The following TBC1D32 variants were observed in gnomAD, a reference collection of about 807,000 sequenced individuals.
The protein encoded by TBC1D32 is protein broad-minded.
A neutral mutation model predicts 170.3 loss-of-function variants in TBC1D32; 151 were observed. The ratio of observed to expected loss-of-function variants is 0.89; its 90% CI spans 0.78 to 1.01. The LOEUF is 1.01. TBC1D32 is among the 50% of genes least tolerant of loss of function. The pLI is 0.00. For missense variants in TBC1D32, 1,464 were observed against 1,457.1 expected (o/e 1.00, Z -0.08); for synonymous variants, 498 against 488.0 (o/e 1.02, Z -0.27).
At chr6:121,311,494 C>G (rs962277075) in intron 3 of TBC1D32, among the ~76,000 whole-genome samples, 5 of 152,088 alleles carry the variant, frequency 3.3e-5, no homozygotes, top group African/African-American at 1.2e-4. Flanking sequence ...CTTTGGGAGT[C>G]CAAGGCGGGC....
At chr6:121,089,005 G>A (rs1336696788) in intron 31 of TBC1D32, among the ~76,000 whole-genome samples, 1 of 152,058 alleles carries the variant, frequency 6.6e-6, no homozygotes, top group Non-Finnish European at 1.5e-5. Context: ...AGATGAAACT[G>A]TAAATCAACA....
intron 19 of TBC1D32, among the ~76,000 whole-genome samples, chr6:121,241,014 T>C (rs1438729031): frequency 6.6e-6 from 1 of 152,058 alleles, no homozygotes; most frequent in Non-Finnish European, 1.5e-5. Flanking sequence ...GACAAATGCT[T>C]TCAAGAAGAA....
At chr6:121,144,363 T>G (rs915410593) in intron 24 of TBC1D32, among the ~76,000 whole-genome samples, 3 of 152,132 alleles carry the variant, frequency 2.0e-5, no homozygotes, top group African/African-American at 7.2e-5. Context: ...GTGTTGAGAA[T>G]AGACTAAACA....
intron 1 of TBC1D32, among the ~76,000 whole-genome samples, chr6:121,332,633 C>G (rs1189886429): frequency 2.0e-5 from 3 of 151,932 alleles, no homozygotes; most frequent in African/African-American, 4.8e-5. Context: ...AAATAAAAAC[C>G]AGAAATGAAA....
chr6:121,237,702 C>A (rs1796492202), intron 20 of TBC1D32, among the ~76,000 whole-genome samples: 1 of 151,732 alleles, frequency 6.6e-6, no homozygotes, highest in Non-Finnish European at 1.5e-5. Context: ...CTATCTGGTT[C>A]TTTTACATAG....
At chr6:121,193,343 TC>T (rs1329760857) in intron 22 of TBC1D32, among the ~76,000 whole-genome samples, 4 of 152,150 alleles carry the variant, frequency 2.6e-5, no homozygotes, top group Non-Finnish European at 1.5e-5. Context: ...GGATCCAACA[TC>T]TTAGGGAGAC....
chr6:121,239,973 T>C (rs536909910), intron 19 of TBC1D32, among the ~76,000 whole-genome samples: 10 of 152,282 alleles, frequency 6.6e-5, no homozygotes, highest in African/African-American at 2.4e-4. Context: ...TATGCCAGTT[T>C]ATTAGCTGTT....
chr6:121,204,956 CT>C (rs1792040789), intron 22 of TBC1D32, 118 bp downstream of exon 22: 1 of 543,066 alleles, frequency 1.8e-6, no homozygotes. Context: ...GACAAATTAC[CT>C]TTAAGCATGC....
At chr6:121,117,405 T>C (rs1007303621) in intron 26 of TBC1D32, among the ~76,000 whole-genome samples, 22 of 152,004 alleles carry the variant, frequency 1.4e-4, no homozygotes, top group Non-Finnish European at 2.5e-4. Context: ...GGCATATATT[T>C]AAAAAGGGGC....
intron 15 of TBC1D32, among the ~76,000 whole-genome samples, chr6:121,256,686 T>TC (rs1170052683): frequency 6.8e-6 from 1 of 147,654 alleles, no homozygotes; most frequent in African/African-American, 2.5e-5. Flanking sequence ...TTTTTTTTCT[T>TC]TTTTTTTTTG....
At chr6:121,146,387 GATA>G (rs1385041076) in intron 24 of TBC1D32, among the ~76,000 whole-genome samples, 1 of 152,180 alleles carries the variant, frequency 6.6e-6, no homozygotes, top group Non-Finnish European at 1.5e-5. Context: ...GTTCCTTCAT[GATA>G]ATAATAGAAA....
intron 2 of TBC1D32, 128 bp downstream of exon 2, chr6:121,321,505 A>G (rs998658361): frequency 2.3e-6 from 2 of 867,730 alleles, no homozygotes; most frequent in Non-Finnish European, 3.5e-6. Flanking sequence ...TCATGATCTG[A>G]CTCATTGTTT....
At chr6:121,320,872 A>G (rs1178833793) in intron 2 of TBC1D32, among the ~76,000 whole-genome samples, 1 of 152,170 alleles carries the variant, frequency 6.6e-6, no homozygotes, top group African/African-American at 2.4e-5. Flanking sequence ...AATATGAACC[A>G]CAGCAAGTTT....
intron 21 of TBC1D32, among the ~76,000 whole-genome samples, chr6:121,213,913 T>C (rs1312827524): frequency 6.6e-6 from 1 of 152,088 alleles, no homozygotes; most frequent in Admixed American, 6.5e-5. Flanking sequence ...ATCAAAATAG[T>C]ATAATATTGG....
chr6:121,090,716 A>C, intron 31 of TBC1D32, 137 bp downstream of exon 31: 1 of 733,054 alleles, frequency 1.4e-6, no homozygotes, highest in Non-Finnish European at 2.2e-6. Flanking sequence ...CTCATCTCTA[A>C]AATGGGGATG....
At chr6:121,134,697 TATG>T (rs1781841661) in intron 24 of TBC1D32, among the ~76,000 whole-genome samples, 1 of 152,158 alleles carries the variant, frequency 6.6e-6, no homozygotes, top group Non-Finnish European at 1.5e-5. Context: ...AATGATGTGA[TATG>T]ATATTAACTG....
At chr6:121,101,161 A>G (rs1024205835) in intron 30 of TBC1D32, among the ~76,000 whole-genome samples, 3 of 152,178 alleles carry the variant, frequency 2.0e-5, no homozygotes, top group Admixed American at 2.0e-4. Context: ...CAGAGGTACA[A>G]GGAGGAGCTG....
intron 21 of TBC1D32, among the ~76,000 whole-genome samples, chr6:121,217,814 G>T (rs996403062): frequency 9.2e-5 from 14 of 152,044 alleles, no homozygotes; most frequent in South Asian, 2.1e-4. Flanking sequence ...TTAAAAAAAA[G>T]AATACAAAAA....
Position 121,130,008 on chromosome 6 carries a change from G to A in TBC1D32, c.2899+1619C>T, listed in dbSNP as rs562548181. Reference sequence around the variant, plus strand: ...CTTAAATATAACCAAAGGTAAATTAGAAATCACAAAAACATATCCCTTTTT... The same window carrying A: ...CTTAAATATAACCAAAGGTAAATTAAAAATCACAAAAACATATCCCTTTTT... On this transcript the variant is annotated intron_variant, in intron 25 of 31. Transcript: ENST00000398212. The A allele has an allele frequency of 9.3e-5, 37 of 398,186 alleles. 1 individual carries two copies. The highest frequency in any genetic ancestry group is 6.9e-4 in the South Asian group (37 of 53,388). The allele number at this position is 398,186 out of a possible 1,614,324, so 24.7% of individuals were successfully genotyped here.
Sources: gnomAD v4.1 joint callset for allele counts (sites outside exome capture counted in the v4.1 genomes callset) on GRCh38, gnomAD v4.1.1 for gene constraint, MANE v1.5 for transcripts, NCBI Gene and HGNC (gene_info 2026-07-23, HGNC 2026-07-21) for gene names.